Variants in TSEN2 observed in about 807,000 individuals in gnomAD.
TSEN2 encodes the protein tRNA-splicing endonuclease subunit Sen2.
In TSEN2, 54 loss-of-function variants were observed where a neutral mutation model predicts 59.2. That is an observed-to-expected ratio of 0.91 (90% CI 0.73 to 1.14). The LOEUF is 1.14. Ranked by LOEUF, TSEN2 falls within the 50% of genes most tolerant of loss-of-function variation. TSEN2 has a pLI of 0.00. For synonymous variants in TSEN2, 195 were observed against 198.2 expected, an observed-to-expected ratio of 0.98 and a Z score of 0.14; for missense variants, 636 against 576.2, an observed-to-expected ratio of 1.10 and a Z score of -1.06.
At chr3:12,515,731 C>T (rs938223026) in intron 6 of TSEN2, among the ~76,000 whole-genome samples, 1 of 152,156 alleles carries the variant, frequency 6.6e-6, no homozygotes, top group African/African-American at 2.4e-5. Context: ...ATTCCTACAG[C>T]CTCCCCCCAC....
intron 3 of TSEN2, among the ~76,000 whole-genome samples, chr3:12,493,743 T>A (rs1490568622): frequency 6.6e-6 from 1 of 151,994 alleles, no homozygotes; most frequent in Non-Finnish European, 1.5e-5. Flanking sequence ...AATAAATAAA[T>A]AACAGAGCAA....
chr3:12,499,973 GC>G (rs1490052020), intron 4 of TSEN2, among the ~76,000 whole-genome samples: 2 of 152,214 alleles, frequency 1.3e-5, no homozygotes, highest in African/African-American at 4.8e-5. Context: ...AGGGAACGGT[GC>G]CCTGTGCAAA....
chr3:12,494,422 C>G (rs2053536747), intron 3 of TSEN2, among the ~76,000 whole-genome samples: 1 of 152,186 alleles, frequency 6.6e-6, no homozygotes, highest in Non-Finnish European at 1.5e-5. Context: ...GTCTCACTCA[C>G]TCTGTCATCC....
chr3:12,519,046 T>G lies in TSEN2; in HGVS notation c.961-13T>G. The G allele has an allele frequency of 6.2e-7, 1 of 1,614,174 alleles. No individual in the cohort carries two copies. The highest frequency in any genetic ancestry group is 8.5e-7 in the Non-Finnish European group (1 of 1,180,018). On this transcript the variant is annotated splice_polypyrimidine_tract_variant and intron_variant, in intron 7 of 11. Coordinates refer to ENST00000284995, the MANE Select transcript of TSEN2 (RefSeq NM_025265.4). ...CATAGTAATGCTTTTTGTTTTTTTG[T>G]AAATAACTTTAGGAGCCTTTAACGA...
At chr3:12,488,852 T>C (rs1302209153) in intron 1 of TSEN2, among the ~76,000 whole-genome samples, 1 of 152,102 alleles carries the variant, frequency 6.6e-6, no homozygotes, top group Non-Finnish European at 1.5e-5. Flanking sequence ...GGCTTGGGAG[T>C]TCAACAGACC....
intron 4 of TSEN2, among the ~76,000 whole-genome samples, chr3:12,501,428 T>A (rs1163308296): frequency 6.6e-6 from 1 of 152,202 alleles, no homozygotes; most frequent in Non-Finnish European, 1.5e-5. Flanking sequence ...TAGGATACAA[T>A]TCCCAGTATA....
chr3:12,518,685 G>A (rs1212316396), intron 7 of TSEN2, among the ~76,000 whole-genome samples: 1 of 148,806 alleles, frequency 6.7e-6, no homozygotes, highest in East Asian at 1.9e-4. Flanking sequence ...CAAAGATATT[G>A]AAATAGTTTA....
At chr3:12,503,117 A>G in intron 4 of TSEN2, 145 bp from the exon 5 acceptor site, 1 of 882,824 alleles carries the variant, frequency 1.1e-6, no homozygotes, top group East Asian at 2.6e-5. Flanking sequence ...AGTATAAAGA[A>G]GAAAAATATT....
At chr3:12,501,460 C>T (rs1346662182) in intron 4 of TSEN2, among the ~76,000 whole-genome samples, 1 of 152,180 alleles carries the variant, frequency 6.6e-6, no homozygotes, top group Non-Finnish European at 1.5e-5. Flanking sequence ...CCCTGATGTT[C>T]ATCCTCATGT....
chr3:12,497,619 G>A (rs2053882108), intron 4 of TSEN2, among the ~76,000 whole-genome samples: 1 of 152,182 alleles, frequency 6.6e-6, no homozygotes, highest in East Asian at 1.9e-4. Flanking sequence ...AATAGCAGCA[G>A]CTCGCCCATC....
chr3:12,527,891 T>C (rs886414387), intron 8 of TSEN2, among the ~76,000 whole-genome samples: 2 of 152,142 alleles, frequency 1.3e-5, no homozygotes, highest in Admixed American at 1.3e-4. Flanking sequence ...GGTGAACAGT[T>C]AGCCAGTCCC....
At position 12,510,924 on chromosome 3, in the gene TSEN2, C is replaced by A. The variant is rs374720205; in HGVS notation, c.910-5687C>A. On this transcript the variant is annotated intron_variant, in intron 6 of 11. Coordinates refer to ENST00000284995, the MANE Select transcript of TSEN2 (RefSeq NM_025265.4). ...TTTGATTAAGGTTTGAAAAACTACT[C>A]TAATTTCTCTCTATAAATATATTTA... Among the ~76,000 whole-genome samples, 16 of 152,282 alleles carry A rather than the reference C, an allele frequency of 1.1e-4. 1 individual carries two copies. The highest frequency in any genetic ancestry group is 7.9e-4 in the Admixed American group (12 of 15,286).
At chr3:12,485,986 G>A (rs2052575356) in intron 1 of TSEN2, among the ~76,000 whole-genome samples, 1 of 152,140 alleles carries the variant, frequency 6.6e-6, no homozygotes, top group Non-Finnish European at 1.5e-5. Flanking sequence ...TATTTACATT[G>A]TATTAGGTAT....
Position 12,492,211 on chromosome 3 carries a change from T to C in TSEN2, c.265T>C (p.Trp89Arg), listed in dbSNP as rs753594243. 1.2e-6 allele frequency: 2 copies of C among 1,613,326 alleles called. No homozygotes were observed. The highest frequency in any genetic ancestry group is 2.2e-5 in the East Asian group (1 of 44,884). ...TTCAGATCCTAAACTGGTTGCTAAATGGAAAGGTAAAGTTGTTGTATCATT... is the reference window on the plus strand; with the variant it reads ...TTCAGATCCTAAACTGGTTGCTAAACGGAAAGGTAAAGTTGTTGTATCATT... ...TISDPKLVAK[W>R]KDMKTNMPII... The change falls in exon 3 of 12, where the codon TGG becomes CGG. Residue 89 changes from tryptophan to arginine, a missense_variant. Coordinates refer to ENST00000284995, the MANE Select transcript of TSEN2 (RefSeq NM_025265.4).
intron 9 of TSEN2, among the ~76,000 whole-genome samples, chr3:12,529,205 G>A (rs1360287785): frequency 1.3e-5 from 2 of 152,106 alleles, no homozygotes; most frequent in African/African-American, 2.4e-5. Flanking sequence ...GGTGGCTCAC[G>A]CCTGTAATCC....
At chr3:12,480,528 G>GGTTTTTTT (rs1553565213), upstream of TSEN2, among the ~76,000 whole-genome samples, 8 of 91,732 alleles carry the variant, frequency 8.7e-5, no homozygotes, top group South Asian at 3.3e-4. Flanking sequence ...TTGTTTCTTT[G>GGTTTTTTT]TTTTTTTTTT....
intron 8 of TSEN2, among the ~76,000 whole-genome samples, chr3:12,525,719 A>AT (rs1351205062): frequency 2.0e-5 from 3 of 151,308 alleles, no homozygotes; most frequent in African/African-American, 7.3e-5. Flanking sequence ...ACCACAGCTA[A>AT]TTTTTTTTTA....
At chr3:12,516,343 G>A (rs1001185375) in intron 6 of TSEN2, among the ~76,000 whole-genome samples, 1 of 152,108 alleles carries the variant, frequency 6.6e-6, no homozygotes, top group African/African-American at 2.4e-5. Flanking sequence ...GGAGAATGGT[G>A]TGAACCCAGG....
chr3:12,523,545 T>TC (rs1394277194), intron 8 of TSEN2, among the ~76,000 whole-genome samples: 1 of 139,234 alleles, frequency 7.2e-6, no homozygotes, highest in Admixed American at 7.2e-5. Flanking sequence ...TTTTTTTTTT[T>TC]TTTTTTGAGA....
Sources: allele counts gnomAD v4.1 joint callset (sites outside exome capture counted in the v4.1 genomes callset), GRCh38; gene constraint gnomAD v4.1.1; transcripts MANE v1.5; gene names NCBI Gene and HGNC (gene_info 2026-07-23, HGNC 2026-07-21).